GPC3: variants seen among roughly 807,000 people sequenced by gnomAD.
GPC3 encodes glypican 3, also known as glypican-3.
Under a neutral mutation model 34.4 loss-of-function variants are expected in GPC3, and 3 were observed. That is an observed-to-expected ratio of 0.09 (90% CI 0.04 to 0.23). GPC3 has a LOEUF of 0.23. Ranked by LOEUF, GPC3 falls within the 10% of genes least tolerant of loss-of-function variation. GPC3 has a pLI of 1.00. For missense variants in GPC3, 351 were observed against 445.6 expected (o/e 0.79, Z 1.91); for synonymous variants, 177 against 174.0 (o/e 1.02, Z -0.13).
At chrX:133,897,417 TG>T (rs1385315468) in intron 2 of GPC3, among the ~76,000 whole-genome samples, 16 of 109,198 alleles carry the variant, frequency 1.5e-4, no homozygotes, top group African/African-American at 5.0e-4. Context: ...TCCACGTTTT[TG>T]CTTGCATCAC....
intron 2 of GPC3, among the ~76,000 whole-genome samples, chrX:133,843,724 C>T (rs774239165): frequency 1.8e-5 from 2 of 110,566 alleles, no homozygotes; most frequent in Non-Finnish European, 3.8e-5. Flanking sequence ...TGGGGTGATG[C>T]GTTATGCAGC....
chrX:133,818,494 C>T (rs1241054196), intron 2 of GPC3, among the ~76,000 whole-genome samples: 1 of 111,555 alleles, frequency 9.0e-6, no homozygotes, highest in African/African-American at 3.3e-5. Flanking sequence ...GTTAGTCTAA[C>T]TATTAGAAGT....
intron 6 of GPC3, among the ~76,000 whole-genome samples, chrX:133,602,789 G>A (rs753048403): frequency 1.8e-5 from 2 of 111,393 alleles, no homozygotes; most frequent in African/African-American, 3.3e-5. Flanking sequence ...ATCACTCTGT[G>A]TCCCATAAAT....
rs920118642 is a variant in GPC3 at position 133,606,412 on chromosome X, A to G, written c.1414-9813T>C. Among the ~76,000 whole-genome samples, 6 of 110,233 alleles carry G rather than the reference A, an allele frequency of 5.4e-5. No homozygotes were observed. In the East Asian group the frequency reaches 1.7e-3, roughly 31 times the overall value. On this transcript the variant is annotated intron_variant, in intron 6 of 7. Transcript: ENST00000370818. ...TCCTTTACTAGCCTTGTTACTATAA[A>G]TAAGCTATTATTTTATTTATTTTTT...
intron 3 of GPC3, among the ~76,000 whole-genome samples, chrX:133,746,212 G>T (rs763003228): frequency 1.8e-5 from 2 of 112,110 alleles, no homozygotes; most frequent in Admixed American, 9.4e-5. Flanking sequence ...TAGCTTGTTT[G>T]CTTGCAATCA....
chrX:133,842,285 T>C (rs2075828771), intron 2 of GPC3, among the ~76,000 whole-genome samples: 1 of 108,451 alleles, frequency 9.2e-6, no homozygotes, highest in Admixed American at 1.0e-4. Flanking sequence ...GCCATTGCAC[T>C]CCAGCCTGGG....
intron 5 of GPC3, among the ~76,000 whole-genome samples, chrX:133,666,064 G>A (rs1176734016): frequency 1.2e-4 from 13 of 111,777 alleles, no homozygotes; most frequent in African/African-American, 4.2e-4. Flanking sequence ...CCAACTTAGC[G>A]ATTTTGCCCC....
chrX:133,726,026 G>A (rs2071403872), intron 3 of GPC3, among the ~76,000 whole-genome samples: 1 of 111,819 alleles, frequency 8.9e-6, no homozygotes, highest in African/African-American at 3.3e-5. Flanking sequence ...ATACATAAAC[G>A]CTCTATCTCC....
intron 1 of GPC3, among the ~76,000 whole-genome samples, chrX:133,958,265 G>A (rs1309562218): frequency 8.9e-6 from 1 of 112,002 alleles, no homozygotes; most frequent in Non-Finnish European, 1.9e-5. Context: ...TGGAGTCTGG[G>A]CATGGTGGCT....
At position 133,692,512 on chromosome X, in the gene GPC3, C is replaced by T. The variant is rs376180673; in HGVS notation, c.1167-18G>A. ...TTAGTTCCCTAAAAGAAAAACAAAA[C>T]ATCTGTGCATAAGAGGCAAGTAAAC... is the stretch of plus-strand genomic sequence containing the variant. On this transcript the variant is annotated intron_variant, in intron 4 of 7. Coordinates refer to ENST00000370818, the MANE Select transcript of GPC3 (RefSeq NM_004484.4). The T allele has an allele frequency of 1.7e-6, 2 of 1,192,757 alleles. No individual in the cohort carries two copies. Among genetic ancestry groups the T allele is most frequent in the African/African-American group, 1.8e-5 (1 of 57,041 alleles).
chrX:133,860,186 TATGTGAATCACTGAGGCTTTCGTTC>T (rs1158693491), intron 2 of GPC3, among the ~76,000 whole-genome samples: 1 of 111,481 alleles, frequency 9.0e-6, no homozygotes. Context: ...CATCGTAGGA[TATGTGAATCACTGAGGCTTTCGTTC>T]ATGTGTTATC....
At chrX:133,853,375 T>C (rs1474766884) in intron 2 of GPC3, among the ~76,000 whole-genome samples, 4 of 112,086 alleles carry the variant, frequency 3.6e-5, no homozygotes, top group African/African-American at 9.7e-5. Flanking sequence ...CATATTCCTC[T>C]TCCCTAGCCT....
rs1023051283 is a variant in GPC3, at chrX:133,536,790, C to G, written c.1574-497G>C. 3.6e-5 allele frequency among the ~76,000 whole-genome samples: 4 copies of G among 111,147 alleles called. No homozygotes were observed. In the East Asian group the frequency reaches 1.1e-3, roughly 32 times the overall value. On this transcript the variant is annotated intron_variant, in intron 7 of 7. Coordinates refer to ENST00000370818, the MANE Select transcript of GPC3 (RefSeq NM_004484.4). Reference sequence around the variant, plus strand: ...AGTGTACGTTTCTTAGGCCCTGCACCTTATATACATTTCCTTGTCCTGGGA... The same window carrying G: ...AGTGTACGTTTCTTAGGCCCTGCACGTTATATACATTTCCTTGTCCTGGGA...
At chrX:133,967,461 G>C (rs2076468867) in intron 1 of GPC3, among the ~76,000 whole-genome samples, 2 of 111,615 alleles carry the variant, frequency 1.8e-5, no homozygotes, top group Non-Finnish European at 1.9e-5. Flanking sequence ...AGCACCAGGA[G>C]GGCTCTAGAT....
At chrX:133,952,957 G>A (rs2076399533) in intron 2 of GPC3, 93 bp downstream of exon 2, 1 of 808,367 alleles carries the variant, frequency 1.2e-6, no homozygotes, top group Admixed American at 2.3e-5. Context: ...ATGCTGGAAT[G>A]GTAATTTATA....
At chrX:133,562,642 A>G (rs2069548491) in intron 7 of GPC3, among the ~76,000 whole-genome samples, 1 of 111,698 alleles carries the variant, frequency 9.0e-6, no homozygotes, top group Non-Finnish European at 1.9e-5. Context: ...AAAGAAAAAA[A>G]AAAGAATAAA....
chrX:133,967,232 T>C (rs1226019884), intron 1 of GPC3, among the ~76,000 whole-genome samples: 1 of 112,633 alleles, frequency 8.9e-6, no homozygotes, highest in Non-Finnish European at 1.9e-5. Flanking sequence ...AAAAGATTTT[T>C]CAATGATGCT....
chrX:133,680,595 C>T (rs774712387), intron 5 of GPC3, among the ~76,000 whole-genome samples: 12 of 111,970 alleles, frequency 1.1e-4, no homozygotes, highest in African/African-American at 3.9e-4. Context: ...GCCATACTCA[C>T]GTAAAAGAAT....
chrX:133,780,175 G>A (rs767146250), intron 2 of GPC3, among the ~76,000 whole-genome samples: 4 of 111,201 alleles, frequency 3.6e-5, no homozygotes, highest in Non-Finnish European at 7.5e-5. Flanking sequence ...TTATAAACGT[G>A]GGATTAGAGA....
Sources: gnomAD v4.1 joint callset for allele counts (sites outside exome capture counted in the v4.1 genomes callset) on GRCh38, gnomAD v4.1.1 for gene constraint, MANE v1.5 for transcripts, NCBI Gene and HGNC (gene_info 2026-07-23, HGNC 2026-07-21) for gene names.